The following CTNNA3 variants were observed in gnomAD, a reference collection of about 807,000 sequenced individuals.
The protein encoded by CTNNA3 is catenin alpha 3.
Under a neutral mutation model 95.7 loss-of-function variants are expected in CTNNA3, and 76 were observed. The ratio of observed to expected loss-of-function variants is 0.79; its 90% CI spans 0.66 to 0.96. The LOEUF (loss-of-function observed/expected upper bound fraction) is 0.96. Ranked by LOEUF, CTNNA3 falls within the 40% of genes least tolerant of loss-of-function variation. The pLI, the probability that CTNNA3 is intolerant of heterozygous loss-of-function variation, is 0.00. For missense variants in CTNNA3, 1,191 were observed against 1,089.8 expected (o/e 1.09, Z -1.31); for synonymous variants, 431 against 374.4 (o/e 1.15, Z -1.74).
At chr10:67,671,774 G>A (rs890037174) in intron 1 of CTNNA3, among the ~76,000 whole-genome samples, 4 of 151,846 alleles carry the variant, frequency 2.6e-5, no homozygotes, top group Non-Finnish European at 5.9e-5. Flanking sequence ...GGACATTTGG[G>A]TTGGTTCCAA....
At position 67,147,262 on chromosome 10, in the gene CTNNA3, A is replaced by C. The variant is rs1283177085; in HGVS notation, c.1047+33055T>G. On this transcript the variant is annotated intron_variant, in intron 7 of 17. Coordinates refer to ENST00000433211, the MANE Select transcript of CTNNA3 (RefSeq NM_013266.4). ...AGAGGCAAAATAGCCTGAAGTTTTA[A>C]GTTCTGGACCAGACAACTTGGTGAA... 2.0e-5 allele frequency among the ~76,000 whole-genome samples: 3 copies of C among 152,174 alleles called. No individual in the cohort carries two copies. The East Asian group carries it at 5.8e-4, about 29-fold the overall frequency.
In CTNNA3 at chr10:66,092,075, T is replaced by C. The variant is rs561691826; in HGVS notation, c.1977+11082A>G. On this transcript the variant is annotated intron_variant, in intron 14 of 17. Coordinates refer to ENST00000433211, the MANE Select transcript of CTNNA3 (RefSeq NM_013266.4). ...ATAAATAGTAAGCCCATCTTCCCAG[T>C]TCTGAAGCCAAAACCTTGAGTTGTC... 2.0e-5 allele frequency among the ~76,000 whole-genome samples: 3 copies of C among 151,908 alleles called. No individual in the cohort carries two copies. The South Asian group carries it at 6.2e-4, about 31-fold the overall frequency.
At chr10:67,353,555 C>A (rs925550595) in intron 5 of CTNNA3, among the ~76,000 whole-genome samples, 4 of 151,936 alleles carry the variant, frequency 2.6e-5, no homozygotes, top group Non-Finnish European at 4.4e-5. Context: ...CCTTGACAAG[C>A]AAATCATCAT....
intron 4 of CTNNA3, among the ~76,000 whole-genome samples, chr10:67,537,508 C>G (rs1840523256): frequency 6.6e-6 from 1 of 152,180 alleles, no homozygotes; most frequent in African/African-American, 2.4e-5. Context: ...ACAATGCCAT[C>G]CTGCTTCATT....
rs117730242 is a variant in CTNNA3 at position 66,180,951 on chromosome 10, A to T, written c.1885-77702T>A. Reference sequence around the variant, plus strand: ...GCCACTTACATAAATACAAGTTGTGATCATAAATTAAAGACCATATGAAAA... The same window carrying T: ...GCCACTTACATAAATACAAGTTGTGTTCATAAATTAAAGACCATATGAAAA... On this transcript the variant is annotated intron_variant, in intron 13 of 17. Transcript: ENST00000433211. Among the ~76,000 whole-genome samples, 158 of 152,226 alleles carry T rather than the reference A, an allele frequency of 1.0e-3. 1 individual carries two copies. In the East Asian group the frequency reaches 0.025, roughly 24 times the overall value.
chr10:67,539,496 T>C lies in CTNNA3; in HGVS notation c.459+7A>G, dbSNP rs374438297. ...TGCCAAGGTAAACTAAGCCATCTTT[T>C]ACTTACAGCTGACACATGTTGCAAG... is the stretch of plus-strand genomic sequence containing the variant. On this transcript the variant is annotated splice_region_variant and intron_variant, in intron 4 of 17. Coordinates refer to ENST00000433211, the MANE Select transcript of CTNNA3 (RefSeq NM_013266.4). 13 of 1,612,470 alleles carry C rather than the reference T, an allele frequency of 8.1e-6. No individual in the cohort carries two copies. Among genetic ancestry groups the C allele is most frequent in the African/African-American group, 6.7e-5 (5 of 74,870 alleles).
chr10:67,235,022 AC>A (rs1456456604), intron 5 of CTNNA3, among the ~76,000 whole-genome samples: 74 of 150,732 alleles, frequency 4.9e-4, no homozygotes, highest in Non-Finnish European at 9.8e-4. Context: ...GAGGATACAA[AC>A]AAATGGAAGA....
At chr10:67,201,462 T>A (rs1011747379) in intron 6 of CTNNA3, among the ~76,000 whole-genome samples, 4 of 151,828 alleles carry the variant, frequency 2.6e-5, no homozygotes, top group Non-Finnish European at 5.9e-5. Context: ...CTTTTTTTTT[T>A]ATTATTTTTT....
intron 1 of CTNNA3, among the ~76,000 whole-genome samples, chr10:67,728,054 AATTATATGTATATTACATAT>A (rs1841252326): frequency 7.0e-6 from 1 of 142,284 alleles, no homozygotes. Flanking sequence ...AATTATATAT[AATTATATGTATATTACATAT>A]TATATATTAT....
At chr10:67,242,998 T>C (rs752047795) in intron 5 of CTNNA3, among the ~76,000 whole-genome samples, 4 of 152,210 alleles carry the variant, frequency 2.6e-5, no homozygotes, top group Non-Finnish European at 4.4e-5. Flanking sequence ...TGTCTCTCCA[T>C]GCAACAAACT....
chr10:67,300,071 C>A (rs1840204831), intron 5 of CTNNA3, among the ~76,000 whole-genome samples: 1 of 152,142 alleles, frequency 6.6e-6, no homozygotes, highest in Non-Finnish European at 1.5e-5. Context: ...TTTTAGACTC[C>A]ACTTCAGACC....
Position 66,448,878 on chromosome 10 carries a change from C to A in CTNNA3, c.1532-69526G>T, listed in dbSNP as rs111792574. On this transcript the variant is annotated intron_variant, in intron 11 of 17. Coordinates refer to ENST00000433211, the MANE Select transcript of CTNNA3 (RefSeq NM_013266.4). Reference sequence around the variant, plus strand: ...ATAAATAAAATTAAACTTTAATGACCTTTTGATCTACTCTCATTTAATCTG... The same window carrying A: ...ATAAATAAAATTAAACTTTAATGACATTTTGATCTACTCTCATTTAATCTG... 4.0e-3 allele frequency among the ~76,000 whole-genome samples: 607 copies of A among 151,686 alleles called. 7 individuals carry two copies. The highest frequency in any genetic ancestry group is 0.013 in the South Asian group (64 of 4,788).
intron 5 of CTNNA3, among the ~76,000 whole-genome samples, chr10:67,328,032 C>G (rs1299229014): frequency 1.3e-5 from 2 of 152,020 alleles, no homozygotes; most frequent in African/African-American, 4.8e-5. Flanking sequence ...TGACTCTGTG[C>G]CCACCAAGAC....
Position 67,424,507 on chromosome 10 carries a change from T to C in CTNNA3, c.579+97335A>G, listed in dbSNP as rs962364872. 7.0e-4 allele frequency among the ~76,000 whole-genome samples: 107 copies of C among 152,164 alleles called. 1 individual carries two copies. The highest frequency in any genetic ancestry group is 1.0e-4 in the Non-Finnish European group (7 of 68,006). ...ATTCTTCTTATCAATATGGTTTCTA[T>C]AGCATTTCATTTATTAATACCTTTA... On this transcript the variant is annotated intron_variant, in intron 5 of 17. Coordinates refer to ENST00000433211, the MANE Select transcript of CTNNA3 (RefSeq NM_013266.4).
chr10:66,367,400 AC>A (rs765946387), intron 12 of CTNNA3, among the ~76,000 whole-genome samples: 2 of 152,014 alleles, frequency 1.3e-5, no homozygotes, highest in Non-Finnish European at 2.9e-5. Flanking sequence ...ATCATTTAAA[AC>A]AAAAGAAATC....
chr10:67,700,782 C>T (rs1161884584), upstream of CTNNA3, among the ~76,000 whole-genome samples: 1 of 152,214 alleles, frequency 6.6e-6, no homozygotes, highest in Non-Finnish European at 1.5e-5. Flanking sequence ...CGGAGAATGA[C>T]TTTGACGAGT....
At chr10:67,201,210 A>G (rs778497431) in intron 6 of CTNNA3, among the ~76,000 whole-genome samples, 7 of 152,212 alleles carry the variant, frequency 4.6e-5, no homozygotes, top group Non-Finnish European at 4.4e-5. Context: ...CATGGTTTCC[A>G]CGTGAAACAA....
intron 7 of CTNNA3, among the ~76,000 whole-genome samples, chr10:67,079,903 AC>A (rs1856961141): frequency 7.0e-6 from 1 of 142,236 alleles, no homozygotes; most frequent in South Asian, 2.3e-4. Context: ...ACACACACAC[AC>A]ACACAAAGAT....
chr10:66,814,487 G>A (rs1842003247), intron 7 of CTNNA3, among the ~76,000 whole-genome samples: 2 of 152,208 alleles, frequency 1.3e-5, no homozygotes, highest in South Asian at 4.2e-4. Flanking sequence ...TCAGCTGGGT[G>A]CAGTGGATCA....
Sources: allele counts gnomAD v4.1 joint callset (sites outside exome capture counted in the v4.1 genomes callset), GRCh38; gene constraint gnomAD v4.1.1; transcripts MANE v1.5; gene names NCBI Gene and HGNC (gene_info 2026-07-23, HGNC 2026-07-21).